Variants in ZBTB7C observed in about 807,000 individuals in gnomAD.
ZBTB7C encodes zinc finger and BTB domain containing 7C.
Under a neutral mutation model 25.7 loss-of-function variants are expected in ZBTB7C, and 8 were observed. The ratio of observed to expected loss-of-function variants is 0.31; its 90% CI spans 0.18 to 0.56. ZBTB7C has a LOEUF of 0.56. Ranked by LOEUF, ZBTB7C falls within the 20% of genes least tolerant of loss-of-function variation. ZBTB7C has a pLI of 0.91. For missense variants in ZBTB7C, 824 were observed against 855.2 expected (o/e 0.96, Z 0.46); for synonymous variants, 394 against 369.0 (o/e 1.07, Z -0.78).
chr18:48,378,966 C>A (rs1363952465), intron 1 of ZBTB7C, among the ~76,000 whole-genome samples: 1 of 152,122 alleles, frequency 6.6e-6, no homozygotes, highest in African/African-American at 2.4e-5. Context: ...GTAGGCTAGG[C>A]TAAGCTATAA....
intron 3 of ZBTB7C, among the ~76,000 whole-genome samples, chr18:48,073,246 G>C (rs984660546): frequency 2.0e-5 from 3 of 152,112 alleles, no homozygotes; most frequent in African/African-American, 7.2e-5. Context: ...GGGGTGTGCA[G>C]ATTATTTTTT....
At chr18:48,373,943 AG>A (rs1165549899) in intron 1 of ZBTB7C, among the ~76,000 whole-genome samples, 3 of 146,656 alleles carry the variant, frequency 2.0e-5, no homozygotes, top group Non-Finnish European at 3.0e-5. Flanking sequence ...CCTGGGCAAC[AG>A]AGCAAGACTC....
At chr18:48,377,905 C>A (rs538682068) in intron 1 of ZBTB7C, among the ~76,000 whole-genome samples, 2 of 152,152 alleles carry the variant, frequency 1.3e-5, no homozygotes, top group Non-Finnish European at 2.9e-5. Context: ...GGCACGGTGG[C>A]TCACGCCTGT....
intron 4 of ZBTB7C, among the ~76,000 whole-genome samples, chr18:48,030,293 T>G (rs886790193): frequency 6.6e-6 from 1 of 152,198 alleles, no homozygotes; most frequent in Non-Finnish European, 1.5e-5. Flanking sequence ...GATACTGGAC[T>G]GCACTTTAAT....
chr18:48,074,070 G>T (rs1353169586), intron 3 of ZBTB7C, among the ~76,000 whole-genome samples: 2 of 150,068 alleles, frequency 1.3e-5, no homozygotes, highest in Admixed American at 6.7e-5. Context: ...CTGGAGTGCA[G>T]TGGCACAATC....
chr18:48,363,140 G>C (rs1313231548), intron 1 of ZBTB7C, among the ~76,000 whole-genome samples: 1 of 152,232 alleles, frequency 6.6e-6, no homozygotes, highest in Non-Finnish European at 1.5e-5. Context: ...GAACGCACCT[G>C]AAAGATACTG....
chr18:48,091,238 ATTT>A (rs35051690), intron 3 of ZBTB7C, among the ~76,000 whole-genome samples: 1 of 64,666 alleles, frequency 1.5e-5, no homozygotes, highest in Non-Finnish European at 2.7e-5. Context: ...TGCCCGGATA[ATTT>A]TTTTTTTTTT....
chr18:48,383,068 C>T (rs2047668661), intron 1 of ZBTB7C, among the ~76,000 whole-genome samples: 1 of 152,122 alleles, frequency 6.6e-6, no homozygotes, highest in Non-Finnish European at 1.5e-5. Flanking sequence ...GCTTCCCTAA[C>T]CTGAGCAGAA....
intron 2 of ZBTB7C, among the ~76,000 whole-genome samples, chr18:48,228,796 C>T (rs1359868631): frequency 1.3e-5 from 2 of 151,662 alleles, no homozygotes; most frequent in South Asian, 2.1e-4. Context: ...CACACTCGTA[C>T]ATGAACACAC....
chr18:48,221,397 A>G (rs1043191003), intron 2 of ZBTB7C, among the ~76,000 whole-genome samples: 2 of 126,944 alleles, frequency 1.6e-5, no homozygotes, highest in South Asian at 2.3e-4. Context: ...TCTCCTCTAC[A>G]CTGTCCTAGT....
chr18:48,314,614 G>A (rs1470335421), intron 2 of ZBTB7C, among the ~76,000 whole-genome samples: 1 of 152,118 alleles, frequency 6.6e-6, no homozygotes, highest in African/African-American at 2.4e-5. Context: ...GAGGTGGCAG[G>A]TATGGGCAGT....
chr18:48,041,185 C>T, intron 3 of ZBTB7C, 62 bp from the exon 4 acceptor site: 3 of 1,502,886 alleles, frequency 2.0e-6, no homozygotes, highest in South Asian at 1.3e-5. Flanking sequence ...GGGGTCTCAA[C>T]TCTAGGACTC....
chr18:48,346,848 G>A (rs1205571963), intron 1 of ZBTB7C: 1 of 152,066 alleles, frequency 6.6e-6, no homozygotes, highest in Non-Finnish European at 1.5e-5. Context: ...GCACTGGTGG[G>A]ATCTTGGGTC....
intron 3 of ZBTB7C, among the ~76,000 whole-genome samples, chr18:48,060,783 C>G (rs922570922): frequency 6.6e-6 from 1 of 152,252 alleles, no homozygotes; most frequent in East Asian, 1.9e-4. Context: ...AAAATAGGTG[C>G]TATTGTGATG....
intron 2 of ZBTB7C, among the ~76,000 whole-genome samples, chr18:48,191,281 C>G (rs2042188617): frequency 6.6e-6 from 1 of 152,166 alleles, no homozygotes; most frequent in Non-Finnish European, 1.5e-5. Flanking sequence ...TCTGTAGCTC[C>G]CAGGAGGCCA....
Position 48,040,861 on chromosome 18 carries a change from C to T in ZBTB7C, c.247G>A (p.Glu83Lys), listed in dbSNP as rs1359643666. Residue 83 changes from glutamate (E) to lysine (K), a missense_variant, in exon 4 of 5, where the codon GAG becomes AAG. Coordinates refer to ENST00000590800, the MANE Select transcript of ZBTB7C (RefSeq NM_001318841.2). The part of the protein sequence containing the change: ...YVYEIDFVQP[E>K]ALAAILEFAY... ...AACTCCAGGATAGCAGCCAGAGCCT[C>T]AGGCTGGACAAAGTCGATCTCATAG... is the stretch of plus-strand genomic sequence containing the variant. The T allele has an allele frequency of 6.2e-7, 1 of 1,614,008 alleles. No homozygotes were observed. The highest frequency in any genetic ancestry group is 8.5e-7 in the Non-Finnish European group (1 of 1,180,036).
intron 3 of ZBTB7C, among the ~76,000 whole-genome samples, chr18:48,126,913 C>G (rs1017237919): frequency 1.3e-5 from 2 of 151,390 alleles, no homozygotes; most frequent in African/African-American, 4.9e-5. Flanking sequence ...GAAGGGGGAG[C>G]AAAAGAAATA....
chr18:48,224,115 G>GA (rs905396909), intron 2 of ZBTB7C, among the ~76,000 whole-genome samples: 1 of 151,780 alleles, frequency 6.6e-6, no homozygotes, highest in African/African-American at 2.4e-5. Context: ...CTGTACATAA[G>GA]AAAAAAAAGA....
chr18:48,227,815 T>C (rs765667367), intron 2 of ZBTB7C, among the ~76,000 whole-genome samples: 4 of 152,194 alleles, frequency 2.6e-5, no homozygotes, highest in African/African-American at 4.8e-5. Flanking sequence ...GAAGGTATTA[T>C]AATTTTTGCA....
Sources: gnomAD v4.1 joint callset for allele counts (sites outside exome capture counted in the v4.1 genomes callset) on GRCh38, gnomAD v4.1.1 for gene constraint, MANE v1.5 for transcripts, NCBI Gene and HGNC (gene_info 2026-07-23, HGNC 2026-07-21) for gene names.